TTC34: variants seen among roughly 807,000 people sequenced by gnomAD.
The protein encoded by TTC34 is tetratricopeptide repeat domain 34, also known as tetratricopeptide repeat protein 34.
In TTC34, 44 loss-of-function variants were observed where a neutral mutation model predicts 40.7. The observed-to-expected ratio is 1.08, with a 90% CI of 0.85 to 1.39. TTC34 has a LOEUF of 1.39. TTC34 is among the 40% of genes most tolerant of loss of function. The pLI, the probability that TTC34 is intolerant of heterozygous loss-of-function variation, is 0.00. For missense variants in TTC34, 884 were observed against 838.0 expected (o/e 1.05, Z -0.68); for synonymous variants, 422 against 398.6 (o/e 1.06, Z -0.70).
At chr1:2,698,429 C>T (rs187127232) in intron 6 of TTC34, among the ~76,000 whole-genome samples, 16 of 29,544 alleles carry the variant, frequency 5.4e-4, no homozygotes, top group African/African-American at 1.2e-3. Flanking sequence ...ATCCGACAGC[C>T]TGGAGCAGCA....
At chr1:2,691,425 G>C (rs565250035) in intron 6 of TTC34, among the ~76,000 whole-genome samples, 10 of 41,190 alleles carry the variant, frequency 2.4e-4, no homozygotes, top group Admixed American at 5.1e-4. Flanking sequence ...ACCCACACCT[G>C]CAGGCGAGCA....
intron 6 of TTC34, among the ~76,000 whole-genome samples, chr1:2,684,585 C>G (rs1343321718): frequency 7.4e-6 from 1 of 134,330 alleles, no homozygotes; most frequent in Non-Finnish European, 1.5e-5. Context: ...TAGCCTGGAG[C>G]AACACCCATA....
At chr1:2,755,769 G>T (rs1472287861) in intron 6 of TTC34, among the ~76,000 whole-genome samples, 1 of 85,424 alleles carries the variant, frequency 1.2e-5, no homozygotes, top group Non-Finnish European at 2.5e-5. Context: ...TGACAGCCTG[G>T]AACGGCACCC....
chr1:2,752,941 G>A (rs1400876574), intron 6 of TTC34, among the ~76,000 whole-genome samples: 20 of 132,288 alleles, frequency 1.5e-4, no homozygotes, highest in African/African-American at 4.3e-4. Flanking sequence ...ACAACCCCAG[G>A]TGAGCATCCG....
chr1:2,694,129 G>A (rs1400989513), intron 6 of TTC34, among the ~76,000 whole-genome samples: 126 of 117,388 alleles, frequency 1.1e-3, no homozygotes, highest in African/African-American at 2.9e-3. Context: ...GCACGTGACA[G>A]CCTGGAACAG....
At chr1:2,682,617 C>T (rs1260080471) in intron 6 of TTC34, among the ~76,000 whole-genome samples, 3 of 143,686 alleles carry the variant, frequency 2.1e-5, no homozygotes, top group Admixed American at 6.9e-5. Flanking sequence ...CAACCTGGAG[C>T]AGCACCCACG....
intron 6 of TTC34, among the ~76,000 whole-genome samples, chr1:2,671,830 C>T (rs1204146223): frequency 3.3e-5 from 5 of 152,314 alleles, no homozygotes; most frequent in Non-Finnish European, 7.4e-5. Flanking sequence ...AGCACCAGTA[C>T]CCCCAGGCGA....
At chr1:2,799,255 A>G (rs534447763) in intron 2 of TTC34, among the ~76,000 whole-genome samples, 1 of 152,310 alleles carries the variant, frequency 6.6e-6, no homozygotes, top group East Asian at 1.9e-4. Context: ...AAAAATGCAG[A>G]TCAGGCGCCG....
At chr1:2,769,905 A>C (rs1642016978) in intron 6 of TTC34, among the ~76,000 whole-genome samples, 1 of 34,584 alleles carries the variant, frequency 2.9e-5, no homozygotes, top group Non-Finnish European at 5.0e-5. Flanking sequence ...CTGGAGCTGC[A>C]CCCATACCCC....
At chr1:2,660,748 A>G (rs61265390) in intron 6 of TTC34, among the ~76,000 whole-genome samples, 1 of 578 alleles carries the variant, frequency 1.7e-3, no homozygotes, top group African/African-American at 4.7e-3. Context: ...GCAGCACCCC[A>G]CACCCACAGG....
intron 6 of TTC34, among the ~76,000 whole-genome samples, chr1:2,685,382 T>C (rs1640286084): frequency 7.0e-6 from 1 of 143,672 alleles, no homozygotes; most frequent in South Asian, 2.2e-4. Context: ...TCTGATGTTC[T>C]GGAGCATCAC....
chr1:2,687,808 T>C (rs146185972), intron 6 of TTC34, among the ~76,000 whole-genome samples: 1,078 of 19,668 alleles, frequency 0.055, 5 homozygotes, highest in East Asian at 0.1. Flanking sequence ...CACCCACACC[T>C]CCAGGTGAGC....
chr1:2,694,738 G>A lies in TTC34; in HGVS notation c.2227-49175C>T, dbSNP rs548668273. 1.7e-3 allele frequency among the ~76,000 whole-genome samples: 103 copies of A among 59,398 alleles called. 32 individuals are homozygous for A. Among genetic ancestry groups the A allele is most frequent in the Middle Eastern group, 0.015 (1 of 66 alleles). The allele number at this position is 59,398 out of a possible 152,430, so 39.0% of individuals were successfully genotyped here. A position where few individuals can be genotyped will look rare whatever the true frequency, so the allele number is the denominator to read the frequency against. ...ACAGGTGAGCATCTGACATCGTGGA[G>A]CAGCACCCCAAACCCACAGGTGAGC... On this transcript the variant is annotated intron_variant, in intron 6 of 8. Coordinates refer to ENST00000401095, the Ensembl canonical transcript of TTC34.
intron 6 of TTC34, among the ~76,000 whole-genome samples, chr1:2,773,119 C>G (rs1485587151): frequency 2.7e-5 from 3 of 110,984 alleles, no homozygotes; most frequent in African/African-American, 9.4e-5. Context: ...CATCTGACAG[C>G]CTGGAGCAGC....
intron 6 of TTC34, among the ~76,000 whole-genome samples, chr1:2,686,372 C>T (rs1640347000): frequency 6.3e-4 from 93 of 146,648 alleles, no homozygotes; most frequent in South Asian, 2.7e-3. Flanking sequence ...CCCAGGTGCG[C>T]ATGTGATGGT....
At chr1:2,700,061 G>C (rs1641059545) in intron 6 of TTC34, among the ~76,000 whole-genome samples, 1 of 122,364 alleles carries the variant, frequency 8.2e-6, no homozygotes, top group African/African-American at 2.6e-5. Context: ...ACCCAGAGGT[G>C]AGCATATGAC....
chr1:2,755,152 C>G (rs1641463474), intron 6 of TTC34, among the ~76,000 whole-genome samples: 1 of 52,766 alleles, frequency 1.9e-5, no homozygotes, highest in Non-Finnish European at 3.2e-5. Context: ...CCCAGGTGAG[C>G]ATGTGACAGC....
At position 2,771,353 on chromosome 1, in the gene TTC34, A is replaced by C. The variant is rs1331583335; in HGVS notation, c.2226+12256T>G. ...GTGAGCATCTGACAGCCTGGAACAG[A>C]ATTCTCCAACCACAGGTGAGGATCT... is the stretch of plus-strand genomic sequence containing the variant. On this transcript the variant is annotated intron_variant, in intron 6 of 8. Transcript: ENST00000401095. Among the ~76,000 whole-genome samples, 15 of 57,874 alleles carry C rather than the reference A, an allele frequency of 2.6e-4. 4 individuals carry two copies. The highest frequency in any genetic ancestry group is 1.9e-3 in the Admixed American group (12 of 6,328). 38.0% of individuals were successfully genotyped at this position (57,874 alleles called of 152,430 possible).
intron 5 of TTC34, among the ~76,000 whole-genome samples, chr1:2,784,961 G>GCTCTGGGCCA (rs36213670): frequency 0.61 from 92,241 of 150,956 alleles, 28,577 homozygotes; most frequent in South Asian, 0.72. Context: ...ATGCCAGGCT[G>GCTCTGGGCCA]CTCTGGGCCA....
Sources: gnomAD v4.1 joint callset for allele counts (sites outside exome capture counted in the v4.1 genomes callset) on GRCh38, gnomAD v4.1.1 for gene constraint, MANE v1.5 for transcripts, NCBI Gene and HGNC (gene_info 2026-07-23, HGNC 2026-07-21) for gene names.